Variants in ASXL3 observed in about 807,000 individuals in gnomAD.
ASXL3 encodes ASXL transcriptional regulator 3.
A neutral mutation model predicts 170.6 loss-of-function variants in ASXL3; 34 were observed. The ratio of observed to expected loss-of-function variants is 0.20; its 90% CI spans 0.15 to 0.27. ASXL3 has a LOEUF of 0.27. Among genes scored for constraint, ASXL3 ranks in the 10% least tolerant of loss-of-function variants. ASXL3 has a pLI of 1.00. For synonymous variants in ASXL3, 1,002 were observed against 989.1 expected (o/e 1.01, Z -0.24); for missense variants, 2,592 against 2,695.3 (o/e 0.96, Z 0.85).
intron 7 of ASXL3, among the ~76,000 whole-genome samples, chr18:33,676,596 A>G (rs2066434476): frequency 6.6e-6 from 1 of 152,216 alleles, no homozygotes; most frequent in South Asian, 2.1e-4. Flanking sequence ...ACAAATGCTA[A>G]CAATGTCTAC....
chr18:33,590,116 T>G (rs1016026885), intron 1 of ASXL3, among the ~76,000 whole-genome samples: 2 of 147,150 alleles, frequency 1.4e-5, no homozygotes, highest in African/African-American at 5.3e-5. Context: ...TCTATGTTTT[T>G]TTTTTTTTTT....
chr18:33,600,544 C>G (rs2065174097), intron 1 of ASXL3, among the ~76,000 whole-genome samples: 1 of 152,034 alleles, frequency 6.6e-6, no homozygotes, highest in African/African-American at 2.4e-5. Flanking sequence ...TTTTACATAT[C>G]ATTATTTAAA....
Position 33,661,654 on chromosome 18 carries a change from C to T in ASXL3, c.394C>T (p.Arg132Ter). Residue 132 changes from arginine (R) to a stop codon, truncating the protein, a stop_gained, in exon 5 of 12, where the codon CGA becomes TGA. Coordinates refer to ENST00000269197, the MANE Select transcript of ASXL3 (RefSeq NM_030632.3). LOFTEE classifies it high-confidence loss of function. ...GGTAACTGATGAAGCATCTTCCACT[C>T]GAGATTCAAGCCTTACTAACACAGC... ...KQVTDEASST[R>*]DSSLTNTAVQ... 1 of 1,612,014 alleles carries T rather than the reference C, an allele frequency of 6.2e-7. No individual in the cohort carries two copies. Among genetic ancestry groups the T allele is most frequent in the Non-Finnish European group, 8.5e-7 (1 of 1,178,846 alleles).
At chr18:33,710,595 T>C (rs186182554) in intron 8 of ASXL3, among the ~76,000 whole-genome samples, 122 of 152,310 alleles carry the variant, frequency 8.0e-4, no homozygotes, top group Non-Finnish European at 1.5e-3. Context: ...TAAAGACATA[T>C]TGTCTTTCTA....
intron 8 of ASXL3, among the ~76,000 whole-genome samples, chr18:33,692,877 A>C (rs538749120): frequency 5.9e-5 from 9 of 152,342 alleles, no homozygotes; most frequent in African/African-American, 1.9e-4. Flanking sequence ...CTGCCATTGC[A>C]AAATTCTGCA....
At chr18:33,725,111 C>T (rs1490958078) in intron 8 of ASXL3, among the ~76,000 whole-genome samples, 1 of 152,066 alleles carries the variant, frequency 6.6e-6, no homozygotes, top group Admixed American at 6.6e-5. Flanking sequence ...ACTACAAGGG[C>T]ACTGGGTGCT....
Position 33,743,950 on chromosome 18 carries a change from A to G in ASXL3, c.4102A>G (p.Arg1368Gly). ...GATTCCCCCAATGGGAATTAACAACAGATTTCCTTCTGAGAAGATAGCCAT... is the reference window on the plus strand; with the variant it reads ...GATTCCCCCAATGGGAATTAACAACGGATTTCCTTCTGAGAAGATAGCCAT... ...VLIPPMGINN[R>G]FPSEKIAIPG... Residue 1368 changes from arginine (R) to glycine (G), a missense_variant, in exon 12 of 12, where the codon AGA becomes GGA. Arg to Gly is a moderately radical substitution (Grantham distance 125). Around this residue, in one of 4 missense-constraint regions of ASXL3, gnomAD observed 2,246 missense variants for 2,219.6 expected, o/e 1.01. Coordinates refer to ENST00000269197, the MANE Select transcript of ASXL3 (RefSeq NM_030632.3). The G allele has an allele frequency of 6.2e-7, 1 of 1,614,062 alleles. No individual in the cohort carries two copies. Among genetic ancestry groups the G allele is most frequent in the South Asian group, 1.1e-5 (1 of 91,084 alleles).
intron 5 of ASXL3, among the ~76,000 whole-genome samples, chr18:33,668,921 AAACT>A (rs780141411): frequency 3.3e-5 from 5 of 152,004 alleles, no homozygotes; most frequent in Non-Finnish European, 5.9e-5. Context: ...ACACACACAC[AAACT>A]ATTTTTAAAA....
intron 5 of ASXL3, among the ~76,000 whole-genome samples, chr18:33,669,180 G>A (rs143287968): frequency 6.6e-6 from 1 of 152,116 alleles, no homozygotes; most frequent in Non-Finnish European, 1.5e-5. Flanking sequence ...ATTCAATTAT[G>A]TGCAAAATTT....
rs1480089715 is a variant in ASXL3 at position 33,748,118 on chromosome 18, AT to A, written c.*1524del. The A allele has an allele frequency of 5.4e-5, 5 of 92,280 alleles. No homozygotes were observed. The highest frequency in any genetic ancestry group is 8.0e-5 in the Non-Finnish European group (4 of 49,734). The allele number at this position is 92,280 out of a possible 1,614,324, so 5.7% of individuals were successfully genotyped here. ...TGGCTGTAGAATTTAAAAAGCAAACATGGGGGGGGTGGGGAATCATCTGTAT... is the reference window on the plus strand; with the variant it reads ...TGGCTGTAGAATTTAAAAAGCAAACAGGGGGGGGTGGGGAATCATCTGTAT... On this transcript the variant is annotated 3_prime_UTR_variant, in exon 12 of 12. Transcript: ENST00000269197.
Position 33,654,827 on chromosome 18 carries a change from A to C in ASXL3, c.356-6789A>C, listed in dbSNP as rs75874125. On this transcript the variant is annotated intron_variant, in intron 4 of 11. Coordinates refer to ENST00000269197, the MANE Select transcript of ASXL3 (RefSeq NM_030632.3). ...TAGGTGGCTAAAGGCTGGTAACTACAATATATGCTTTTCCTACTAAATATA... is the reference window on the plus strand; with the variant it reads ...TAGGTGGCTAAAGGCTGGTAACTACCATATATGCTTTTCCTACTAAATATA... Among the ~76,000 whole-genome samples the C allele has an allele frequency of 4.5e-3, 689 of 152,190 alleles. 3 individuals carry two copies. The highest frequency in any genetic ancestry group is 0.027 in the Middle Eastern group (8 of 294).
At chr18:33,632,861 C>A (rs1279741894) in intron 2 of ASXL3, among the ~76,000 whole-genome samples, 2 of 152,118 alleles carry the variant, frequency 1.3e-5, no homozygotes, top group African/African-American at 4.8e-5. Flanking sequence ...TGTTAAAGTC[C>A]TCTGGGGCTC....
chr18:33,745,615 G>C lies in ASXL3; in HGVS notation c.5767G>C (p.Ala1923Pro), dbSNP rs766368604. 2 of 1,613,804 alleles carry C rather than the reference G, an allele frequency of 1.2e-6. No homozygotes were observed. The highest frequency in any genetic ancestry group is 1.3e-5 in the African/African-American group (1 of 74,898). Residue 1923 changes from alanine to proline, a missense_variant, in exon 12 of 12, where the codon GCT (alanine) becomes CCT (proline). Ala to Pro is a conservative substitution (Grantham distance 27). Coordinates refer to ENST00000269197, the MANE Select transcript of ASXL3 (RefSeq NM_030632.3). ...VDKNGGFHTDAGTSHRQQFYQ... is the reference protein window; with the variant it reads ...VDKNGGFHTDPGTSHRQQFYQ... The stretch of plus-strand genomic sequence containing the variant: ...CAAGAATGGCGGCTTCCACACTGAC[G>C]CTGGTACCTCACACAGACAGCAGTT...
In ASXL3 at chr18:33,746,754, A is replaced by G. The variant is rs2067801903; in HGVS notation, c.*159A>G. 2.5e-6 allele frequency: 3 copies of G among 1,213,234 alleles called. No individual in the cohort carries two copies. The highest frequency in any genetic ancestry group is 3.3e-6 in the Non-Finnish European group (3 of 908,056). The allele number at this position is 1,213,234 out of a possible 1,614,324, so 75.2% of individuals were successfully genotyped here. A position where few individuals can be genotyped will look rare whatever the true frequency, so the allele number is the denominator to read the frequency against. On this transcript the variant is annotated 3_prime_UTR_variant, in exon 12 of 12. Coordinates refer to ENST00000269197, the MANE Select transcript of ASXL3 (RefSeq NM_030632.3). The stretch of plus-strand genomic sequence containing the variant: ...GGCATTATTTTCTTGCATTTCTCAT[A>G]AAGGGGAGGATGCATCCCAACTGAA...
At chr18:33,728,691 T>G (rs2067389243) in intron 8 of ASXL3, among the ~76,000 whole-genome samples, 1 of 152,186 alleles carries the variant, frequency 6.6e-6, no homozygotes, top group African/African-American at 2.4e-5. Context: ...TTTACCTTCT[T>G]AATCCTGAAG....
At chr18:33,679,393 A>AT (rs914642013) in intron 7 of ASXL3, among the ~76,000 whole-genome samples, 68 of 152,216 alleles carry the variant, frequency 4.5e-4, no homozygotes, top group Middle Eastern at 3.4e-3. Context: ...CAAATATTAG[A>AT]TTTTTTTAAT....
rs192103921 is a variant in ASXL3, at chr18:33,662,295, G to T, written c.477+558G>T. On this transcript the variant is annotated intron_variant, in intron 5 of 11. Transcript: ENST00000269197. ...TGGCCTTGCACTGAGATGGTGCAGG[G>T]ATAGACACAAGGTTGGGCTCTGGGC... Among the ~76,000 whole-genome samples, 9 of 152,276 alleles carry T rather than the reference G, an allele frequency of 5.9e-5. No individual in the cohort carries two copies. In the East Asian group the frequency reaches 1.7e-3, roughly 29 times the overall value.
At chr18:33,688,530 G>T (rs1009177741) in intron 8 of ASXL3, among the ~76,000 whole-genome samples, 2 of 152,202 alleles carry the variant, frequency 1.3e-5, no homozygotes, top group Non-Finnish European at 2.9e-5. Context: ...GAGATTGGGA[G>T]ATAGCATAGT....
chr18:33,683,372 A>G, intron 7 of ASXL3, 33 bp from the exon 8 acceptor site: 3 of 1,586,482 alleles, frequency 1.9e-6, no homozygotes, highest in Non-Finnish European at 2.6e-6. Flanking sequence ...CTCTACCTGT[A>G]GTAAATTCAT....
Sources: gnomAD v4.1 joint callset for allele counts (sites outside exome capture counted in the v4.1 genomes callset) on GRCh38, gnomAD v4.1.1 for gene constraint, gnomAD v4.1.1 regional missense constraint, MANE v1.5 for transcripts, NCBI Gene and HGNC (gene_info 2026-07-23, HGNC 2026-07-21) for gene names.